Variants in KIF26B observed in about 807,000 individuals in gnomAD.
KIF26B encodes the protein kinesin family member 26B.
A neutral mutation model predicts 151.2 loss-of-function variants in KIF26B; 63 were observed. The ratio of observed to expected loss-of-function variants is 0.42; its 90% confidence interval spans 0.34 to 0.51. The LOEUF (loss-of-function observed/expected upper bound fraction) is 0.51. Among genes scored for constraint, KIF26B ranks in the 20% least tolerant of loss-of-function variants. The pLI is 0.07. For missense variants in KIF26B, 2,813 were observed against 2,913.6 expected (o/e 0.97, Z 0.79); for synonymous variants, 1,357 against 1,262.1 (o/e 1.08, Z -1.59).
chr1:245,167,461 T>C lies in KIF26B; in HGVS notation c.465+10778T>C, dbSNP rs550792080. Among the ~76,000 whole-genome samples, 11 of 152,262 alleles carry C rather than the reference T, an allele frequency of 7.2e-5. No individual in the cohort carries two copies. The East Asian group carries it at 2.1e-3, about 29-fold the overall frequency. On this transcript the variant is annotated intron_variant, in intron 2 of 14. Coordinates refer to ENST00000407071, the MANE Select transcript of KIF26B (RefSeq NM_018012.4). The surrounding 1 kb of genome is among the most constrained non-coding windows in gnomAD (Gnocchi z 4.2). ...TATCATCGTATTTAGAGTGGTTGCT[T>C]TCTTTGGGGTTATAATCACTACTTC...
intron 5 of KIF26B, among the ~76,000 whole-genome samples, chr1:245,565,013 T>A (rs1715775): frequency 6.6e-6 from 1 of 151,938 alleles, no homozygotes; most frequent in Non-Finnish European, 1.5e-5. Context: ...TAGGGAGCCC[T>A]GCTCTGTTAC....
At chr1:245,359,838 G>T (rs1672777253) in intron 2 of KIF26B, among the ~76,000 whole-genome samples, 1 of 151,388 alleles carries the variant, frequency 6.6e-6, no homozygotes, top group Non-Finnish European at 1.5e-5. Flanking sequence ...TAAGCCAATG[G>T]GCCCAGCCTA....
Position 245,219,127 on chromosome 1 carries a change from C to CTTTTTTTTTTTTT in KIF26B, c.465+62461_465+62473dup, listed in dbSNP as rs1166578525. Among the ~76,000 whole-genome samples, 20 of 56,186 alleles carry CTTTTTTTTTTTTT rather than the reference C, an allele frequency of 3.6e-4. 4 individuals are homozygous for CTTTTTTTTTTTTT. The highest frequency in any genetic ancestry group is 1.2e-3 in the African/African-American group (19 of 15,298). The allele number at this position is 56,186 out of a possible 152,430, so 36.9% of individuals were successfully genotyped here. A position where few individuals can be genotyped will look rare whatever the true frequency, so the allele number is the denominator to read the frequency against. On this transcript the variant is annotated intron_variant, in intron 2 of 14. Transcript: ENST00000407071. ...CACAGGAGGTAGCAAATACCTACCT[C>CTTTTTTTTTTTTT]TTTTTTTTTTTTTTTTTTTTTTTTT...
chr1:245,527,006 ACT>A (rs1661250791), intron 4 of KIF26B, among the ~76,000 whole-genome samples: 1 of 152,140 alleles, frequency 6.6e-6, no homozygotes, highest in Non-Finnish European at 1.5e-5. Context: ...ACTAAGGAAA[ACT>A]CTAAAGGAAT....
At chr1:245,325,102 A>G (rs1277874899) in intron 2 of KIF26B, among the ~76,000 whole-genome samples, 1 of 146,502 alleles carries the variant, frequency 6.8e-6, no homozygotes, top group Non-Finnish European at 1.5e-5. Flanking sequence ...CTCAAAAAAA[A>G]AAAAAAAAAG....
chr1:245,676,997 C>A (rs2044365032), intron 10 of KIF26B, among the ~76,000 whole-genome samples: 1 of 152,194 alleles, frequency 6.6e-6, no homozygotes, highest in African/African-American at 2.4e-5. Context: ...CATTATCCTG[C>A]CTCAGAGGCA....
At chr1:245,689,732 A>G (rs1346838688) in intron 12 of KIF26B, among the ~76,000 whole-genome samples, 1 of 151,920 alleles carries the variant, frequency 6.6e-6, no homozygotes, top group Non-Finnish European at 1.5e-5. Flanking sequence ...TAATTTTTCT[A>G]TCTTTGGTAG....
At chr1:245,498,031 T>A (rs1168137000) in intron 4 of KIF26B, among the ~76,000 whole-genome samples, 1 of 152,222 alleles carries the variant, frequency 6.6e-6, no homozygotes, top group Non-Finnish European at 1.5e-5. Context: ...TATCATATTA[T>A]CATTCATCTC....
chr1:245,448,329 T>C (rs1047891550), intron 4 of KIF26B, among the ~76,000 whole-genome samples: 3 of 152,166 alleles, frequency 2.0e-5, no homozygotes, highest in Non-Finnish European at 4.4e-5. Flanking sequence ...TGCCTCAGCC[T>C]CCCAAGTAGC....
At position 245,686,559 on chromosome 1, in the gene KIF26B, G is replaced by A. The variant is rs1572203728; in HGVS notation, c.3576G>A (p.Leu1192=). 1 of 1,612,938 alleles carries A rather than the reference G, an allele frequency of 6.2e-7. No homozygotes were observed. Among genetic ancestry groups the A allele is most frequent in the African/African-American group, 1.3e-5 (1 of 74,922 alleles). The part of the protein sequence containing the change: ...LNGEDELVFT[L]VEELTISGVL... ...GTGAGGACGAGCTGGTGTTCACGCT[G>A]GTGGAGGAGCTGACCATCAGCGGGG... Residue 1192 remains leucine (L), a synonymous_variant, in exon 12 of 15, where the codon CTG becomes CTA. Transcript: ENST00000407071. This position sits in a 1 kb window ranked among gnomAD's most constrained non-coding sequence, Gnocchi z 5.6.
chr1:245,186,156 G>A (rs935200233), intron 2 of KIF26B, among the ~76,000 whole-genome samples: 1 of 151,826 alleles, frequency 6.6e-6, no homozygotes, highest in Non-Finnish European at 1.5e-5. Flanking sequence ...TACAGGCGTG[G>A]GCCACTGCGC....
chr1:245,612,593 G>A (rs539625657), intron 9 of KIF26B, among the ~76,000 whole-genome samples: 1 of 152,240 alleles, frequency 6.6e-6, no homozygotes, highest in Admixed American at 6.5e-5. Flanking sequence ...GAAAACAACT[G>A]CCTGACAGTA....
chr1:245,423,713 C>T lies in KIF26B; in HGVS notation c.1166+3968C>T, dbSNP rs555246892. On this transcript the variant is annotated intron_variant, in intron 4 of 14. Coordinates refer to ENST00000407071, the MANE Select transcript of KIF26B (RefSeq NM_018012.4). ...GTTTTCCTGTTGACGAAAAATATGT[C>T]TATCCTGGGTCTGGAATTTTCTGGA... is the stretch of plus-strand genomic sequence containing the variant. Among the ~76,000 whole-genome samples the T allele has an allele frequency of 7.3e-3, 1,111 of 152,304 alleles. 14 individuals are homozygous for T. Among genetic ancestry groups the T allele is most frequent in the Non-Finnish European group, 7.9e-3 (538 of 68,014 alleles).
At chr1:245,648,655 G>C (rs1249775449) in intron 10 of KIF26B, among the ~76,000 whole-genome samples, 1 of 151,694 alleles carries the variant, frequency 6.6e-6, no homozygotes, top group African/African-American at 2.4e-5. Context: ...ATAAATGAAA[G>C]TTTGTATTAA....
At chr1:245,581,351 T>C (rs1572139658) in intron 5 of KIF26B, among the ~76,000 whole-genome samples, 1 of 152,148 alleles carries the variant, frequency 6.6e-6, no homozygotes, top group Non-Finnish European at 1.5e-5. Context: ...CAGAATAGCA[T>C]TGGGTTTTGC....
rs372414019 is a variant in KIF26B, at chr1:245,199,352, G to A, written c.465+42669G>A. On this transcript the variant is annotated intron_variant, in intron 2 of 14. Coordinates refer to ENST00000407071, the MANE Select transcript of KIF26B (RefSeq NM_018012.4). ...CCTTCTTGAGGGTGGTGGTGCTCAG[G>A]GTGTATGTTGGATGGTAGTGCGTAG... Among the ~76,000 whole-genome samples the A allele has an allele frequency of 3.9e-5, 6 of 152,186 alleles. No individual in the cohort carries two copies. The East Asian group carries it at 1.2e-3, about 29-fold the overall frequency.
rs183654132 is a variant in KIF26B, at chr1:245,271,201, G to C, written c.466-95633G>C. Among the ~76,000 whole-genome samples the C allele has an allele frequency of 3.9e-3, 588 of 152,200 alleles. 2 individuals carry two copies. Among genetic ancestry groups the C allele is most frequent in the Non-Finnish European group, 6.7e-3 (455 of 67,990 alleles). Reference sequence around the variant, plus strand: ...CAGAAAGTGTGAAAATTCTAGCTTTGTTCTTTTTTCTTCAGATTGTTTTGG... The same window carrying C: ...CAGAAAGTGTGAAAATTCTAGCTTTCTTCTTTTTTCTTCAGATTGTTTTGG... On this transcript the variant is annotated intron_variant, in intron 2 of 14. Transcript: ENST00000407071.
intron 4 of KIF26B, among the ~76,000 whole-genome samples, chr1:245,471,922 G>A (rs2103064194): frequency 6.6e-6 from 1 of 152,154 alleles, no homozygotes; most frequent in South Asian, 2.1e-4. Flanking sequence ...CTCCCGAGTA[G>A]CTGAGATTAC....
intron 3 of KIF26B, among the ~76,000 whole-genome samples, chr1:245,371,210 T>C (rs1039936663): frequency 6.6e-6 from 1 of 152,146 alleles, no homozygotes; most frequent in East Asian, 1.9e-4. Flanking sequence ...TGGCTATGAA[T>C]CTGCGTCCCC....
Sources: gnomAD v4.1 joint callset for allele counts (sites outside exome capture counted in the v4.1 genomes callset) on GRCh38, gnomAD v4.1.1 for gene constraint, Gnocchi (gnomAD v3.1) non-coding constraint, MANE v1.5 for transcripts, NCBI Gene and HGNC (gene_info 2026-07-23, HGNC 2026-07-21) for gene names.